Variants in CC2D2A observed in about 807,000 individuals in gnomAD.
CC2D2A encodes the protein coiled-coil and C2 domain containing 2A.
In CC2D2A, 155 loss-of-function variants were observed where a neutral mutation model predicts 212.9. The observed-to-expected ratio is 0.73, with a 90% CI of 0.64 to 0.83. The LOEUF (loss-of-function observed/expected upper bound fraction) is 0.83. Among genes scored for constraint, CC2D2A ranks in the 40% least tolerant of loss-of-function variants. The probability of loss-of-function intolerance (pLI) is 0.00; values close to 1 mark genes in which losing one functional copy is unlikely to be tolerated. For missense variants in CC2D2A, 1,856 were observed against 1,956.2 expected, an observed-to-expected ratio of 0.95 and a Z score of 0.97; for synonymous variants, 667 against 686.5, an observed-to-expected ratio of 0.97 and a Z score of 0.44.
chr4:15,555,461 G>A (rs372932281), intron 20 of CC2D2A, among the ~76,000 whole-genome samples: 12 of 152,140 alleles, frequency 7.9e-5, no homozygotes, highest in East Asian at 1.9e-4. Flanking sequence ...TAGCTCGGCC[G>A]GGCATGGTGG....
At chr4:15,530,738 T>C (rs895778531) in intron 13 of CC2D2A, among the ~76,000 whole-genome samples, 5 of 151,846 alleles carry the variant, frequency 3.3e-5, no homozygotes, top group South Asian at 2.1e-4. Context: ...AAGCAGATGG[T>C]CTATTGCTGG....
chr4:15,573,109 G>A (rs1441938056), intron 28 of CC2D2A, among the ~76,000 whole-genome samples: 2 of 125,192 alleles, frequency 1.6e-5, no homozygotes, highest in Non-Finnish European at 3.4e-5. Flanking sequence ...GACACACCCA[G>A]GAACAATACT....
chr4:15,494,833 C>T (rs1461409164), intron 4 of CC2D2A, among the ~76,000 whole-genome samples: 1 of 152,166 alleles, frequency 6.6e-6, no homozygotes, highest in Non-Finnish European at 1.5e-5. Context: ...TGATTGACAA[C>T]AAACAGTTAC....
At position 15,501,026 on chromosome 4, in the gene CC2D2A, G is replaced by C. The variant is rs532162417; in HGVS notation, c.248-1403G>C. 3.9e-5 allele frequency among the ~76,000 whole-genome samples: 6 copies of C among 152,140 alleles called. No homozygotes were observed. In the South Asian group the frequency reaches 1.2e-3, roughly 32 times the overall value. On this transcript the variant is annotated intron_variant, in intron 4 of 36. Transcript: ENST00000424120. ...ATCTCCCAGTCTGACTTCCCGTCTC[G>C]TTTTTCTTTCTCAGCATCATCAAAC...
intron 28 of CC2D2A, among the ~76,000 whole-genome samples, chr4:15,571,179 T>A (rs1041347234): frequency 7.9e-5 from 12 of 152,202 alleles, no homozygotes; most frequent in African/African-American, 2.9e-4. Flanking sequence ...TGCCTGAAAG[T>A]AACTTGAAGA....
At chr4:15,531,221 C>T (rs1041529279) in intron 13 of CC2D2A, among the ~76,000 whole-genome samples, 23 of 152,150 alleles carry the variant, frequency 1.5e-4, no homozygotes, top group African/African-American at 5.6e-4. Flanking sequence ...CTTGCCACAG[C>T]CCCTGGGGAC....
rs553907094 is a variant in CC2D2A, at chr4:15,560,142, T to C, written c.2923-389T>C. The stretch of plus-strand genomic sequence containing the variant: ...CCACCGCGCCCAGCCAGAGGTCCTC[T>C]GGAATTAGGAAGTGAATCATTCTGG... On this transcript the variant is annotated intron_variant, in intron 22 of 36. Transcript: ENST00000424120. Among the ~76,000 whole-genome samples the C allele has an allele frequency of 7.9e-5, 12 of 152,324 alleles. No homozygotes were observed. The South Asian group carries it at 2.1e-3, about 26-fold the overall frequency.
At chr4:15,582,902 C>T (rs962078959) in intron 30 of CC2D2A, among the ~76,000 whole-genome samples, 4 of 152,022 alleles carry the variant, frequency 2.6e-5, no homozygotes, top group African/African-American at 9.7e-5. Flanking sequence ...AAACTACAGG[C>T]CTATATTCTA....
intron 33 of CC2D2A, among the ~76,000 whole-genome samples, chr4:15,591,219 ATT>A (rs10706968): frequency 1.6e-3 from 183 of 113,552 alleles, no homozygotes; most frequent in Admixed American, 4.1e-3. Flanking sequence ...CCATCAGTCT[ATT>A]TTTTTTTTTT....
At chr4:15,481,335 C>T (rs1342053521) in intron 4 of CC2D2A, 2 of 390,690 alleles carry the variant, frequency 5.1e-6, no homozygotes, top group African/African-American at 2.1e-5. Flanking sequence ...ATGGAGAAAC[C>T]CCATCTCTAC....
chr4:15,589,727 T>G, intron 33 of CC2D2A, 48 bp downstream of exon 33: 1 of 1,328,826 alleles, frequency 7.5e-7, no homozygotes, highest in Middle Eastern at 2.0e-4. Flanking sequence ...TCGTTTCTTT[T>G]AAATAACTGA....
intron 1 of CC2D2A, among the ~76,000 whole-genome samples, chr4:15,475,675 T>C (rs1714162987): frequency 6.6e-6 from 1 of 152,020 alleles, no homozygotes. Flanking sequence ...ACCAGTGCCA[T>C]CCAACTCTAT....
chr4:15,548,404 A>G (rs1718821060), intron 17 of CC2D2A, among the ~76,000 whole-genome samples: 1 of 152,128 alleles, frequency 6.6e-6, no homozygotes, highest in South Asian at 2.1e-4. Context: ...ATCACCAGGC[A>G]TGGTGACCAG....
chr4:15,479,336 C>T (rs1369035280), intron 3 of CC2D2A: 2 of 1,532,376 alleles, frequency 1.3e-6, no homozygotes, highest in Non-Finnish European at 8.8e-7. Flanking sequence ...AAGGTAAGTC[C>T]TTGGTAAGAA....
At chr4:15,540,237 G>C (rs1049558606) in intron 16 of CC2D2A, among the ~76,000 whole-genome samples, 1 of 151,222 alleles carries the variant, frequency 6.6e-6, no homozygotes, top group Non-Finnish European at 1.5e-5. Context: ...GCATTTTTTG[G>C]TGGATGTCTA....
Position 15,516,585 on chromosome 4 carries a change from T to A in CC2D2A, c.1018-40T>A, listed in dbSNP as rs761564491. ...GTGTTGTGAACCATTTTCTGTTCGA[T>A]TAGAAGAAAATGTTGCCATTCCCTC... is the stretch of plus-strand genomic sequence containing the variant. On this transcript the variant is annotated intron_variant, in intron 10 of 36. Coordinates refer to ENST00000424120, the MANE Select transcript of CC2D2A (RefSeq NM_001378615.1). 11 of 1,588,878 alleles carry A rather than the reference T, an allele frequency of 6.9e-6. No homozygotes were observed. The Admixed American group carries it at 1.9e-4, about 28-fold the overall frequency.
intron 29 of CC2D2A, among the ~76,000 whole-genome samples, chr4:15,578,265 G>A (rs2109081660): frequency 6.6e-6 from 1 of 152,258 alleles, no homozygotes; most frequent in South Asian, 2.1e-4. Context: ...GAATATATAG[G>A]AGGCTTCTGG....
At chr4:15,542,034 G>C (rs1405054839) in intron 17 of CC2D2A, among the ~76,000 whole-genome samples, 1 of 151,870 alleles carries the variant, frequency 6.6e-6, no homozygotes, top group Non-Finnish European at 1.5e-5. Context: ...TCTAATCTCT[G>C]CTTCCATCTT....
At chr4:15,511,625 A>C (rs984581182) in intron 8 of CC2D2A, 4 of 396,844 alleles carry the variant, frequency 1.0e-5, no homozygotes, top group Non-Finnish European at 1.8e-5. Context: ...GGTAGGAAGA[A>C]CCTTGATTAA....
Sources: allele counts gnomAD v4.1 joint callset (sites outside exome capture counted in the v4.1 genomes callset), GRCh38; gene constraint gnomAD v4.1.1; transcripts MANE v1.5; gene names NCBI Gene and HGNC (gene_info 2026-07-23, HGNC 2026-07-21).